Variants in AQR observed in about 807,000 individuals in gnomAD.
The protein encoded by AQR is RNA helicase aquarius.
A neutral mutation model predicts 180.5 loss-of-function variants in AQR; 61 were observed. The ratio of observed to expected loss-of-function variants is 0.34; its 90% confidence interval spans 0.28 to 0.42. The LOEUF is 0.42. AQR is among the 10% of genes least tolerant of loss of function. The pLI, the probability that AQR is intolerant of heterozygous loss-of-function variation, is 1.00. For synonymous variants in AQR, 551 were observed against 588.8 expected (o/e 0.94, Z 0.93); for missense variants, 1,281 against 1,798.3 (o/e 0.71, Z 5.20).
chr15:34,866,617 G>C (rs1433761839), intron 32 of AQR, among the ~76,000 whole-genome samples: 1 of 152,086 alleles, frequency 6.6e-6, no homozygotes, highest in African/African-American at 2.4e-5. Context: ...TATTCATACT[G>C]TAAGTTTTTG....
rs533983832 is a variant in AQR, at chr15:34,893,514, T to C, written c.2571+149A>G. 3 of 603,230 alleles carry C rather than the reference T, an allele frequency of 5.0e-6. No individual in the cohort carries two copies. The East Asian group carries it at 9.0e-5, about 18-fold the overall frequency. The allele number at this position is 603,230 out of a possible 1,614,324, so 37.4% of individuals were successfully genotyped here. Reference sequence around the variant, plus strand: ...CAGAAAAATGGAGAACAAAGAATAATGAAACTAGATTTCTTGAAGAGGAAC... The same window carrying C: ...CAGAAAAATGGAGAACAAAGAATAACGAAACTAGATTTCTTGAAGAGGAAC... On this transcript the variant is annotated intron_variant, in intron 23 of 34. Transcript: ENST00000156471.
At chr15:34,939,296 T>TG (rs1893989899) in intron 8 of AQR, among the ~76,000 whole-genome samples, 5 of 152,208 alleles carry the variant, frequency 3.3e-5, no homozygotes, top group African/African-American at 1.2e-4. Flanking sequence ...CTTGAACTCC[T>TG]GACCTTGTGG....
intron 26 of AQR, among the ~76,000 whole-genome samples, chr15:34,882,962 A>G (rs972513876): frequency 6.6e-6 from 1 of 152,204 alleles, no homozygotes; most frequent in Non-Finnish European, 1.5e-5. Flanking sequence ...TCAGGTATTC[A>G]TATCAAAGGA....
At chr15:34,859,304 C>G (rs1392458076) in intron 34 of AQR, among the ~76,000 whole-genome samples, 1 of 152,160 alleles carries the variant, frequency 6.6e-6, no homozygotes, top group Admixed American at 6.5e-5. Context: ...AAAAGATGCT[C>G]ATCATCAGTC....
At chr15:34,913,264 C>T (rs1893526841) in intron 16 of AQR, among the ~76,000 whole-genome samples, 1 of 152,134 alleles carries the variant, frequency 6.6e-6, no homozygotes, top group Non-Finnish European at 1.5e-5. Flanking sequence ...ATAAAATCTA[C>T]TTGAAGCATT....
chr15:34,927,152 G>T lies in AQR; in HGVS notation c.1015-14C>A. On this transcript the variant is annotated splice_polypyrimidine_tract_variant and intron_variant, in intron 12 of 34. Transcript: ENST00000156471. ...AAAAGCAGCTCTCTAGAAAATAATG[G>T]CAAAAAATATTAATAATTAATGTCT... 6.9e-7 allele frequency: 1 copy of T among 1,457,724 alleles called. No individual in the cohort carries two copies. The highest frequency in any genetic ancestry group is 9.3e-7 in the Non-Finnish European group (1 of 1,072,648). The allele number at this position is 1,457,724 out of a possible 1,614,324, so 90.3% of individuals were successfully genotyped here. A position where few individuals can be genotyped will look rare whatever the true frequency, so the allele number is the denominator to read the frequency against.
At chr15:34,867,131 CTG>C (rs1392156064) in intron 32 of AQR, among the ~76,000 whole-genome samples, 2 of 152,054 alleles carry the variant, frequency 1.3e-5, no homozygotes, top group Admixed American at 6.6e-5. Context: ...TCCTCTAACA[CTG>C]AGGCTGAAAG....
intron 13 of AQR, among the ~76,000 whole-genome samples, chr15:34,923,887 G>A (rs905093673): frequency 1.3e-5 from 2 of 151,986 alleles, no homozygotes; most frequent in African/African-American, 4.8e-5. Context: ...AAATGGTTTG[G>A]GTTATTATAG....
In AQR at chr15:34,854,713, T is replaced by C. The variant is rs1238061801; in HGVS notation, c.*2079A>G. On this transcript the variant is annotated 3_prime_UTR_variant, in exon 35 of 35. Coordinates refer to ENST00000156471, the MANE Select transcript of AQR (RefSeq NM_014691.3). Reference sequence around the variant, plus strand: ...CCATCTTCCACCTAAATTTGCTTTTTAGTGATAGAAAAACCAAGCAGCAAA... The same window carrying C: ...CCATCTTCCACCTAAATTTGCTTTTCAGTGATAGAAAAACCAAGCAGCAAA... The C allele has an allele frequency of 1.3e-5, 2 of 152,220 alleles. No homozygotes were observed. The highest frequency in any genetic ancestry group is 2.9e-5 in the Non-Finnish European group (2 of 68,048). 9.4% of individuals were successfully genotyped at this position (152,220 alleles called of 1,614,324 possible).
At chr15:34,925,378 G>A (rs1893745038) in intron 13 of AQR, among the ~76,000 whole-genome samples, 1 of 152,206 alleles carries the variant, frequency 6.6e-6, no homozygotes, top group South Asian at 2.1e-4. Flanking sequence ...CTCATACGCT[G>A]TTAGTTTAAG....
chr15:34,892,959 A>G (rs1487472436), intron 23 of AQR, among the ~76,000 whole-genome samples: 1 of 152,216 alleles, frequency 6.6e-6, no homozygotes, highest in Non-Finnish European at 1.5e-5. Context: ...TCAAACCAAA[A>G]GTCAGGGACC....
At chr15:34,885,028 C>T (rs1478386722) in intron 25 of AQR, among the ~76,000 whole-genome samples, 1 of 152,098 alleles carries the variant, frequency 6.6e-6, no homozygotes, top group East Asian at 1.9e-4. Context: ...AGATTCTCCA[C>T]GTAACTCAAG....
Position 34,884,414 on chromosome 15 carries a change from A to C in AQR, c.3027+111T>G, listed in dbSNP as rs186097410. 8.4e-4 allele frequency: 861 copies of C among 1,028,036 alleles called. 2 individuals are homozygous for C. The highest frequency in any genetic ancestry group is 1.1e-3 in the Non-Finnish European group (758 of 717,830). 63.7% of individuals were successfully genotyped at this position (1,028,036 alleles called of 1,614,324 possible). A position where few individuals can be genotyped will look rare whatever the true frequency, so the allele number is the denominator to read the frequency against. On this transcript the variant is annotated intron_variant, in intron 26 of 34. Coordinates refer to ENST00000156471, the MANE Select transcript of AQR (RefSeq NM_014691.3). ...GGGCAAGACTCCGTCTCAAAAAAAAACAAAAAAACAAAAAAACAAAAGATT... is the reference window on the plus strand; with the variant it reads ...GGGCAAGACTCCGTCTCAAAAAAAACCAAAAAAACAAAAAAACAAAAGATT...
At chr15:34,946,237 A>C (rs1447628112) in intron 5 of AQR, among the ~76,000 whole-genome samples, 1 of 152,342 alleles carries the variant, frequency 6.6e-6, no homozygotes, top group South Asian at 2.1e-4. Flanking sequence ...CGCCATTTGC[A>C]CTCCAGCCTG....
At chr15:34,858,320 C>CAAAAAA (rs57627687) in intron 34 of AQR, among the ~76,000 whole-genome samples, 135 of 85,966 alleles carry the variant, frequency 1.6e-3, no homozygotes, top group African/African-American at 2.5e-3. Context: ...ACGACAGCAG[C>CAAAAAA]AAAAAAAAAA....
intron 16 of AQR, among the ~76,000 whole-genome samples, chr15:34,914,530 A>G (rs894078627): frequency 3.9e-5 from 6 of 152,148 alleles, no homozygotes; most frequent in African/African-American, 4.8e-5. Flanking sequence ...GAGATTTTCT[A>G]ATGTACCACC....
At chr15:34,869,277 T>C (rs1291151470) in intron 31 of AQR, 1 of 152,138 alleles carries the variant, frequency 6.6e-6, no homozygotes, top group Non-Finnish European at 1.5e-5. Flanking sequence ...GTAAGCACTT[T>C]TTCATGACGT....
intron 8 of AQR, 63 bp downstream of exon 8, chr15:34,940,836 C>T: frequency 6.3e-6 from 8 of 1,263,504 alleles, no homozygotes; most frequent in Non-Finnish European, 9.1e-6. Flanking sequence ...AACCAGTCAA[C>T]ATCATCTAAG....
intron 15 of AQR, among the ~76,000 whole-genome samples, chr15:34,916,833 A>G (rs560426597): frequency 6.6e-6 from 1 of 150,640 alleles, no homozygotes; most frequent in Non-Finnish European, 1.5e-5. Context: ...AGAAAAATCT[A>G]TAGACTACGG....
Sources: allele counts gnomAD v4.1 joint callset (sites outside exome capture counted in the v4.1 genomes callset), GRCh38; gene constraint gnomAD v4.1.1; transcripts MANE v1.5; gene names NCBI Gene and HGNC (gene_info 2026-07-23, HGNC 2026-07-21).